Variants in NRXN1 observed in about 807,000 individuals in gnomAD.
NRXN1 encodes the protein neurexin-1.
NRXN1 carries 39 observed loss-of-function variants against 150.9 expected under a neutral mutation model. The ratio of observed to expected loss-of-function variants is 0.26; its 90% CI spans 0.20 to 0.34. The LOEUF is 0.34. Ranked by LOEUF, NRXN1 falls within the 10% of genes least tolerant of loss-of-function variation. The probability of loss-of-function intolerance (pLI) is 1.00; values close to 1 mark genes in which losing one functional copy is unlikely to be tolerated. For synonymous variants in NRXN1, 924 were observed against 757.0 expected, an observed-to-expected ratio of 1.22 and a Z score of -3.62; for missense variants, 1,815 against 1,949.9, an observed-to-expected ratio of 0.93 and a Z score of 1.30.
At chr2:50,390,354 T>C (rs1215148391) in intron 17 of NRXN1, among the ~76,000 whole-genome samples, 2 of 152,176 alleles carry the variant, frequency 1.3e-5, no homozygotes, top group African/African-American at 4.8e-5. Context: ...ATTCTTCTTT[T>C]AACTTATAAA....
At chr2:50,543,575 A>T (rs2105292424) in intron 9 of NRXN1, among the ~76,000 whole-genome samples, 1 of 152,272 alleles carries the variant, frequency 6.6e-6, no homozygotes, top group South Asian at 2.1e-4. Context: ...ATTTAAGAAT[A>T]TTCATAAACA....
At chr2:50,255,285 T>C (rs947580705) in intron 17 of NRXN1, among the ~76,000 whole-genome samples, 2 of 152,152 alleles carry the variant, frequency 1.3e-5, no homozygotes, top group Non-Finnish European at 2.9e-5. Flanking sequence ...AGGAAATGGA[T>C]TTTCAAGTGA....
At chr2:50,006,817 T>G (rs1001520569) in intron 21 of NRXN1, among the ~76,000 whole-genome samples, 1 of 152,122 alleles carries the variant, frequency 6.6e-6, no homozygotes, top group South Asian at 2.1e-4. Flanking sequence ...GGATAAATCA[T>G]GTTTTGTTTA....
intron 8 of NRXN1, among the ~76,000 whole-genome samples, chr2:50,595,415 A>G (rs1337219661): frequency 7.5e-6 from 1 of 134,104 alleles, no homozygotes; most frequent in Non-Finnish European, 1.6e-5. Context: ...GGGCCAGGGT[A>G]AAAAAAGGAA....
At chr2:50,009,840 A>G (rs1398035922) in intron 21 of NRXN1, among the ~76,000 whole-genome samples, 1 of 152,168 alleles carries the variant, frequency 6.6e-6, no homozygotes, top group Non-Finnish European at 1.5e-5. Context: ...ACAGAAAATT[A>G]TAATTACATT....
At chr2:49,947,952 A>C (rs540252389) in intron 21 of NRXN1, among the ~76,000 whole-genome samples, 5 of 152,142 alleles carry the variant, frequency 3.3e-5, no homozygotes, top group African/African-American at 1.2e-4. Flanking sequence ...TAATTTTTGC[A>C]CTATAATTAC....
chr2:50,836,378 GATTT>G (rs1251588572), intron 5 of NRXN1, among the ~76,000 whole-genome samples: 4 of 151,990 alleles, frequency 2.6e-5, no homozygotes, highest in Non-Finnish European at 5.9e-5. Context: ...AGTGCATTAT[GATTT>G]ATTATAGTCA....
At chr2:50,813,313 T>A (rs1668487843) in intron 5 of NRXN1, among the ~76,000 whole-genome samples, 1 of 152,184 alleles carries the variant, frequency 6.6e-6, no homozygotes, top group Non-Finnish European at 1.5e-5. Context: ...ATCTTTTAGA[T>A]CTCCATCAAA....
At chr2:50,011,579 G>C (rs1685672617) in intron 21 of NRXN1, among the ~76,000 whole-genome samples, 1 of 152,058 alleles carries the variant, frequency 6.6e-6, no homozygotes, top group Admixed American at 6.6e-5. Flanking sequence ...GAGCCCAGCA[G>C]GCAGCTAGAT....
In NRXN1 at chr2:50,680,761, G is replaced by GA. The variant is rs890140261; in HGVS notation, c.833-57147dup. Among the ~76,000 whole-genome samples the GA allele has an allele frequency of 1.6e-3, 214 of 133,612 alleles. 1 individual carries two copies. Among genetic ancestry groups the GA allele is most frequent in the African/African-American group, 1.9e-3 (71 of 36,434 alleles). The allele number at this position is 133,612 out of a possible 152,430, so 87.7% of individuals were successfully genotyped here. A position where few individuals can be genotyped will look rare whatever the true frequency, so the allele number is the denominator to read the frequency against. On this transcript the variant is annotated intron_variant, in intron 5 of 22. Coordinates refer to ENST00000401669, the MANE Select transcript of NRXN1 (RefSeq NM_001330078.2). ...ACTTTAAGTAAAGCTAAGTTCAAGT[G>GA]AAAAAAAAAAAAGCTAAGCATGCAG...
chr2:50,293,026 C>T (rs1013003203), intron 17 of NRXN1, among the ~76,000 whole-genome samples: 55 of 152,154 alleles, frequency 3.6e-4, no homozygotes, highest in African/African-American at 1.3e-3. Context: ...CTACTGAAGA[C>T]ATACATATCC....
intron 18 of NRXN1, among the ~76,000 whole-genome samples, chr2:50,134,977 T>C (rs1356103653): frequency 6.6e-6 from 1 of 152,180 alleles, no homozygotes; most frequent in Non-Finnish European, 1.5e-5. Context: ...TGCCTCTTTC[T>C]TGTTCTCCCC....
intron 21 of NRXN1, among the ~76,000 whole-genome samples, chr2:50,003,163 A>G (rs965237215): frequency 6.6e-6 from 1 of 152,140 alleles, no homozygotes; most frequent in Admixed American, 6.6e-5. Context: ...TTATGCATCA[A>G]TATGGAATAG....
At chr2:50,499,256 T>C (rs1025546646) in intron 13 of NRXN1, among the ~76,000 whole-genome samples, 1 of 152,200 alleles carries the variant, frequency 6.6e-6, no homozygotes, top group African/African-American at 2.4e-5. Context: ...TTTCAAACAC[T>C]CTTTTTTAGT....
At chr2:50,910,137 T>A (rs1216157436) in intron 5 of NRXN1, among the ~76,000 whole-genome samples, 1 of 152,024 alleles carries the variant, frequency 6.6e-6, no homozygotes, top group African/African-American at 2.4e-5. Context: ...TCTCAACATT[T>A]GGGATTTAAT....
At chr2:50,529,618 G>T (rs552844274) in intron 11 of NRXN1, among the ~76,000 whole-genome samples, 7 of 152,300 alleles carry the variant, frequency 4.6e-5, no homozygotes, top group Non-Finnish European at 4.4e-5. Flanking sequence ...AGCTGAGTTT[G>T]TCATGTGTCG....
At chr2:50,071,724 C>T (rs555685989) in intron 19 of NRXN1, among the ~76,000 whole-genome samples, 3 of 152,248 alleles carry the variant, frequency 2.0e-5, no homozygotes, top group Admixed American at 6.5e-5. Context: ...ATAATTTAAA[C>T]GTAGTTTGAA....
intron 21 of NRXN1, among the ~76,000 whole-genome samples, chr2:50,048,393 A>G (rs1692171967): frequency 6.6e-6 from 1 of 152,156 alleles, no homozygotes; most frequent in South Asian, 2.1e-4. Flanking sequence ...ATATAATTAT[A>G]AGTAATGCTA....
At chr2:50,463,285 T>G (rs1027040318) in intron 17 of NRXN1, among the ~76,000 whole-genome samples, 1 of 151,878 alleles carries the variant, frequency 6.6e-6, no homozygotes, top group African/African-American at 2.4e-5. Context: ...AAGTAACAAT[T>G]GCTACTATAT....
Sources: gnomAD v4.1 joint callset for allele counts (sites outside exome capture counted in the v4.1 genomes callset) on GRCh38, gnomAD v4.1.1 for gene constraint, MANE v1.5 for transcripts, NCBI Gene and HGNC (gene_info 2026-07-23, HGNC 2026-07-21) for gene names.